Variants in ANO8 observed in about 807,000 individuals in gnomAD.
ANO8 encodes anoctamin-8.
Under a neutral mutation model 120.4 loss-of-function variants are expected in ANO8, and 67 were observed. That is an observed-to-expected ratio of 0.56 (90% CI 0.46 to 0.68). ANO8 has a LOEUF of 0.68. Among genes scored for constraint, ANO8 ranks in the 30% least tolerant of loss-of-function variants. The pLI is 0.00. For missense variants in ANO8, 1,526 were observed against 1,737.6 expected, an observed-to-expected ratio of 0.88 and a Z score of 2.16; for synonymous variants, 727 against 759.2, an observed-to-expected ratio of 0.96 and a Z score of 0.70.
chr19:17,325,535 G>A lies in ANO8; in HGVS notation c.2662-149C>T, dbSNP rs182172620. ...AACTGTATCCCTGCACCCACAATGG[G>A]GGCTCCCTGCAGAAGTGGGAGAGAG... On this transcript the variant is annotated intron_variant, in intron 16 of 17. Transcript: ENST00000159087. 4.7e-4 allele frequency: 571 copies of A among 1,206,806 alleles called. 2 individuals are homozygous for A. In the African/African-American group the frequency reaches 7.8e-3, roughly 16 times the overall value. 74.8% of individuals were successfully genotyped at this position (1,206,806 alleles called of 1,614,324 possible). A position where few individuals can be genotyped will look rare whatever the true frequency, so the allele number is the denominator to read the frequency against.
Position 17,330,631 on chromosome 19 carries a change from C to T in ANO8, c.994-127G>A, listed in dbSNP as rs1002183787. 12 of 1,396,696 alleles carry T rather than the reference C, an allele frequency of 8.6e-6. No individual in the cohort carries two copies. The South Asian group carries it at 1.2e-4, about 13-fold the overall frequency. The allele number at this position is 1,396,696 out of a possible 1,614,324, so 86.5% of individuals were successfully genotyped here. A position where few individuals can be genotyped will look rare whatever the true frequency, so the allele number is the denominator to read the frequency against. On this transcript the variant is annotated intron_variant, in intron 8 of 17. Coordinates refer to ENST00000159087, the MANE Select transcript of ANO8 (RefSeq NM_020959.3). ...GGAGGTGACCCTCTCAGGTCACCCACCTAGGGCACTGTTCCCAGTCCCTCA... is the reference window on the plus strand; with the variant it reads ...GGAGGTGACCCTCTCAGGTCACCCATCTAGGGCACTGTTCCCAGTCCCTCA...
At position 17,328,938 on chromosome 19, in the gene ANO8, G is replaced by T. The variant is rs184936125; in HGVS notation, c.1450C>A (p.Arg484Ser). ...TACAGGTGCGGCTGCAGGACCTCGC[G>T]CACGTTCTGGAGGAACTGGCGGGTG... is the stretch of plus-strand genomic sequence containing the variant. Reference protein sequence around the residue: ...LITRQFLQNVREVLQPHLYRR... With the variant: ...LITRQFLQNVSEVLQPHLYRR... Residue 484 changes from arginine (R) to serine (S), a missense_variant, in exon 13 of 18, where the codon CGC becomes AGC. Arg to Ser is a moderately radical substitution (Grantham distance 110). Around this residue, in one of 8 missense-constraint regions of ANO8, gnomAD observed 467 missense variants for 425.8 expected, o/e 1.10. Transcript: ENST00000159087. 11 of 1,509,454 alleles carry T rather than the reference G, an allele frequency of 7.3e-6. No homozygotes were observed. The Admixed American group carries it at 1.5e-4, about 20-fold the overall frequency. The allele number at this position is 1,509,454 out of a possible 1,614,324, so 93.5% of individuals were successfully genotyped here. A position where few individuals can be genotyped will look rare whatever the true frequency, so the allele number is the denominator to read the frequency against.
At position 17,334,715 on chromosome 19, in the gene ANO8, G is replaced by A. The variant is rs941453701; in HGVS notation, c.-45C>T. 1.5e-6 allele frequency: 2 copies of A among 1,324,682 alleles called. No individual in the cohort carries two copies. The highest frequency in any genetic ancestry group is 1.8e-5 in the South Asian group (1 of 55,002). The allele number at this position is 1,324,682 out of a possible 1,614,324, so 82.1% of individuals were successfully genotyped here. Reference sequence around the variant, plus strand: ...AGGGGCTACGGACGGCCCGGGCGACGGGGAGCCGCGGGCTCATGGGGCCGG... The same window carrying A: ...AGGGGCTACGGACGGCCCGGGCGACAGGGAGCCGCGGGCTCATGGGGCCGG... On this transcript the variant is annotated 5_prime_UTR_variant, in exon 1 of 18. Transcript: ENST00000159087.
intron 16 of ANO8, 81 bp downstream of exon 16, chr19:17,327,154 G>A: frequency 8.1e-7 from 1 of 1,232,070 alleles, no homozygotes; most frequent in Non-Finnish European, 1.1e-6. Flanking sequence ...TTGCCCTTAC[G>A]CTAAGGAATT....
chr19:17,323,909 C>T (rs1004650682), intron 17 of ANO8, 25 bp from the exon 18 acceptor site: 1 of 1,112,814 alleles, frequency 9.0e-7, no homozygotes, highest in Non-Finnish European at 1.1e-6. Flanking sequence ...GGGGCCGTTC[C>T]GGGGGGATGC....
Position 17,328,350 on chromosome 19 carries a change from G to C in ANO8, c.2038C>G (p.Arg680Gly). The C allele has an allele frequency of 6.3e-7, 1 of 1,575,304 alleles. No individual in the cohort carries two copies. The highest frequency in any genetic ancestry group is 8.6e-7 in the Non-Finnish European group (1 of 1,164,428). Residue 680 changes from arginine to glycine, a missense_variant, in exon 13 of 18, where the codon CGC becomes GGC. Transcript: ENST00000159087. The part of the protein sequence containing the change: ...PEREPPAILF[R>G]RAGGEGRDQG... ...TCTCGGCCCTCGCCCCCGGCCCGGCGGAACAAGATGGCCGGGGGCTCCCGT... is the reference window on the plus strand; with the variant it reads ...TCTCGGCCCTCGCCCCCGGCCCGGCCGAACAAGATGGCCGGGGGCTCCCGT...
intron 5 of ANO8, 123 bp from the exon 6 acceptor site, chr19:17,331,534 C>G (rs529247445): frequency 1.2e-6 from 1 of 809,666 alleles, no homozygotes; most frequent in East Asian, 2.6e-5. Flanking sequence ...GAGCTCTTTC[C>G]AGGGGAGAAG....
At chr19:17,334,535 C>G (rs1484353949) in intron 1 of ANO8, 30 bp downstream of exon 1, 1 of 1,516,214 alleles carries the variant, frequency 6.6e-7, no homozygotes, top group African/African-American at 1.4e-5. Context: ...GCACCTGCAA[C>G]CCTGTCTGGT....
Position 17,325,161 on chromosome 19 carries a change from G to A in ANO8, c.2887C>T (p.Pro963Ser). Reference protein sequence around the residue: ...STAGGHGPERPKRPGSLLAPN... With the variant: ...STAGGHGPERSKRPGSLLAPN... The stretch of plus-strand genomic sequence containing the variant: ...GCCAGCAGGGACCCTGGGCGCTTGG[G>A]CCGTTCAGGCCCGTGGCCACCCGCA... The change falls in exon 17 of 18, where the codon CCC (proline) becomes TCC (serine). Residue 963 changes from proline (P) to serine (S), a missense_variant. By Grantham distance (74) the Pro-to-Ser change is moderately conservative. Transcript: ENST00000159087. The A allele has an allele frequency of 1.2e-6, 2 of 1,613,378 alleles. No individual in the cohort carries two copies. Among genetic ancestry groups the A allele is most frequent in the Non-Finnish European group, 1.7e-6 (2 of 1,179,872 alleles).
chr19:17,329,583 G>A (rs748881526), intron 12 of ANO8, 174 bp downstream of exon 12: 13 of 617,684 alleles, frequency 2.1e-5, no homozygotes, highest in Non-Finnish European at 3.4e-5. Flanking sequence ...CAGATGGGGG[G>A]ACGACAGGCA....
rs2074277668 is a variant in ANO8 at position 17,327,110 on chromosome 19, A to G, written c.2661+125T>C. On this transcript the variant is annotated intron_variant, in intron 16 of 17. Transcript: ENST00000159087. The stretch of plus-strand genomic sequence containing the variant: ...CCACTGCACCCAGCCAGGGAGCACT[A>G]ATTATTATACCCAGCTCTGTGCAGT... 5.8e-6 allele frequency: 5 copies of G among 866,526 alleles called. No individual in the cohort carries two copies. In the South Asian group the frequency reaches 9.0e-5, roughly 16 times the overall value. The allele number at this position is 866,526 out of a possible 1,614,324, so 53.7% of individuals were successfully genotyped here.
At position 17,328,377 on chromosome 19, in the gene ANO8, C is replaced by T. The variant is rs1345380161; in HGVS notation, c.2011G>A (p.Glu671Lys). ...DEAEGAPGSP[E>K]REPPAILFRR... ...AACAAGATGGCCGGGGGCTCCCGTTCAGGGCTGCCGGGAGCCCCCTCCGCC... is the reference window on the plus strand; with the variant it reads ...AACAAGATGGCCGGGGGCTCCCGTTTAGGGCTGCCGGGAGCCCCCTCCGCC... Residue 671 changes from glutamate to lysine, a missense_variant, in exon 13 of 18, where the codon GAA becomes AAA. Coordinates refer to ENST00000159087, the MANE Select transcript of ANO8 (RefSeq NM_020959.3). 1 of 1,573,938 alleles carries T rather than the reference C, an allele frequency of 6.4e-7. No homozygotes were observed. The highest frequency in any genetic ancestry group is 1.1e-5 in the South Asian group (1 of 87,552).
Position 17,323,872 on chromosome 19 carries a change from G to A in ANO8, c.3344C>T (p.Ala1115Val). 1.8e-6 allele frequency: 2 copies of A among 1,121,564 alleles called. No individual in the cohort carries two copies. The highest frequency in any genetic ancestry group is 2.2e-6 in the Non-Finnish European group (2 of 917,070). The allele number at this position is 1,121,564 out of a possible 1,614,324, so 69.5% of individuals were successfully genotyped here. Reference sequence around the variant, plus strand: ...GCGGAGGGCAGGGGCGCCCACGGGGGCCAGCGCTGTCCCTGCGGAGGCGAG... The same window carrying A: ...GCGGAGGGCAGGGGCGCCCACGGGGACCAGCGCTGTCCCTGCGGAGGCGAG... ...PEEEGSGTAL[A>V]PVGAPALRTR... Residue 1115 changes from alanine to valine, a missense_variant, in exon 18 of 18, where the codon GCC (alanine) becomes GTC (valine). Physicochemically the swap from Ala to Val is moderately conservative, Grantham distance 64. Coordinates refer to ENST00000159087, the MANE Select transcript of ANO8 (RefSeq NM_020959.3).
chr19:17,331,409 G>A lies in ANO8; in HGVS notation c.589C>T (p.Pro197Ser), dbSNP rs756547930. ...ATGATCCCACGTGCTGCCAGCTCCG[G>A]GACTGTGGAGGGAGGAGCACAGGTG... is the stretch of plus-strand genomic sequence containing the variant. ...VRFLEDQPII[P>S]ELAARGIIQQ... The change falls in exon 6 of 18, where the codon CCG (proline) becomes TCG (serine). Residue 197 changes from proline to serine, a missense_variant and splice_region_variant. By Grantham distance (74) the Pro-to-Ser change is moderately conservative (BLOSUM62 -1). Transcript: ENST00000159087. 1.2e-4 allele frequency: 201 copies of A among 1,613,042 alleles called. No individual in the cohort carries two copies. The highest frequency in any genetic ancestry group is 1.6e-4 in the Non-Finnish European group (193 of 1,179,886).
intron 5 of ANO8, among the ~76,000 whole-genome samples, chr19:17,332,561 C>T (rs2074327094): frequency 6.6e-6 from 1 of 152,198 alleles, no homozygotes; most frequent in African/African-American, 2.4e-5. Flanking sequence ...ATGGTTCCTG[C>T]CTCCACTTTA....
chr19:17,331,065 C>T, intron 7 of ANO8, 23 bp downstream of exon 7: 3 of 1,613,872 alleles, frequency 1.9e-6, no homozygotes, highest in Non-Finnish European at 2.5e-6. Context: ...TCCCCCAGAC[C>T]TTGCAGGGTC....
In ANO8 at chr19:17,333,936, G is replaced by A; in HGVS notation, c.107-136C>T. On this transcript the variant is annotated intron_variant, in intron 1 of 17. Transcript: ENST00000159087. The surrounding 1 kb of genome is among the most constrained non-coding windows in gnomAD (Gnocchi z 7.2). ...TCAAGGCCCCGGGAGCTCTGGGCTTGGCTTATTTTCCTCCCTCCACGTCCT... is the reference window on the plus strand; with the variant it reads ...TCAAGGCCCCGGGAGCTCTGGGCTTAGCTTATTTTCCTCCCTCCACGTCCT... The A allele has an allele frequency of 1.4e-6, 1 of 722,468 alleles. No homozygotes were observed. Among genetic ancestry groups the A allele is most frequent in the Non-Finnish European group, 2.4e-6 (1 of 424,576 alleles). 44.8% of individuals were successfully genotyped at this position (722,468 alleles called of 1,614,324 possible). A position where few individuals can be genotyped will look rare whatever the true frequency, so the allele number is the denominator to read the frequency against.
In ANO8 at chr19:17,330,218, G is replaced by T. The variant is rs537381686; in HGVS notation, c.1180C>A (p.Leu394Ile). The T allele has an allele frequency of 1.2e-6, 2 of 1,614,036 alleles. No individual in the cohort carries two copies. The highest frequency in any genetic ancestry group is 1.7e-6 in the Non-Finnish European group (2 of 1,180,030). Residue 394 changes from leucine (L) to isoleucine (I), a missense_variant, in exon 10 of 18, where the codon CTC becomes ATC. By Grantham distance (5) the Leu-to-Ile change is conservative. Transcript: ENST00000159087. Reference sequence around the variant, plus strand: ...ATGACCTTAGGCAGGAATCGGGCGAGACGGGGCAACCCCTTCACGCTCAGC... The same window carrying T: ...ATGACCTTAGGCAGGAATCGGGCGATACGGGGCAACCCCTTCACGCTCAGC... ...LVLSVKGLPR[L>I]ARFLPKVMLA...
intron 13 of ANO8, 75 bp from the exon 14 acceptor site, chr19:17,327,955 C>A: frequency 6.4e-7 from 1 of 1,553,942 alleles, no homozygotes; most frequent in Non-Finnish European, 8.7e-7. Context: ...CCGCCTCCCT[C>A]AGATTATCCC....
Sources: allele counts gnomAD v4.1 joint callset (sites outside exome capture counted in the v4.1 genomes callset), GRCh38; gene constraint gnomAD v4.1.1; regional missense constraint gnomAD v4.1.1; non-coding constraint Gnocchi (gnomAD v3.1); transcripts MANE v1.5; gene names NCBI Gene and HGNC (gene_info 2026-07-23, HGNC 2026-07-21).